The following CALN1 variants were observed in gnomAD, a reference collection of about 807,000 sequenced individuals.
The protein encoded by CALN1 is calcium-binding protein 8.
A neutral mutation model predicts 30.6 loss-of-function variants in CALN1; 17 were observed. The ratio of observed to expected loss-of-function variants is 0.56; its 90% CI spans 0.38 to 0.83. The LOEUF (loss-of-function observed/expected upper bound fraction) is 0.83, where lower values mean the gene tolerates loss of function less well. Among genes scored for constraint, CALN1 ranks in the 40% least tolerant of loss-of-function variants. CALN1 has a pLI of 0.00. For synonymous variants in CALN1, 156 were observed against 131.4 expected, an observed-to-expected ratio of 1.19 and a Z score of -1.28; for missense variants, 291 against 354.9, an observed-to-expected ratio of 0.82 and a Z score of 1.45.
At chr7:71,869,379 T>A (rs1791787632) in intron 5 of CALN1, among the ~76,000 whole-genome samples, 1 of 152,030 alleles carries the variant, frequency 6.6e-6, no homozygotes, top group African/African-American at 2.4e-5. Context: ...CCTGGCTAAT[T>A]TTTTGTGTTT....
At chr7:72,274,564 ATTC>A (rs1193466999) in intron 3 of CALN1, among the ~76,000 whole-genome samples, 1 of 152,094 alleles carries the variant, frequency 6.6e-6, no homozygotes, top group African/African-American at 2.4e-5. Flanking sequence ...TAAGAAAACT[ATTC>A]TTCAACAATC....
intron 5 of CALN1, among the ~76,000 whole-genome samples, chr7:71,956,551 T>A (rs948065796): frequency 1.3e-5 from 2 of 151,238 alleles, no homozygotes; most frequent in African/African-American, 4.9e-5. Flanking sequence ...GATCTCAAAC[T>A]CCTGGCCCCA....
intron 2 of CALN1, among the ~76,000 whole-genome samples, chr7:72,365,308 G>A (rs193206986): frequency 2.5e-4 from 38 of 152,174 alleles, no homozygotes; most frequent in African/African-American, 8.9e-4. Context: ...ACTCCAGCCT[G>A]GGTGACAGAG....
At chr7:72,161,526 C>T (rs1445535856) in intron 3 of CALN1, among the ~76,000 whole-genome samples, 3 of 152,316 alleles carry the variant, frequency 2.0e-5, no homozygotes, top group East Asian at 1.9e-4. Flanking sequence ...TGTTTACTTA[C>T]AGCTAAATAT....
intron 5 of CALN1, among the ~76,000 whole-genome samples, chr7:72,011,993 T>C (rs752947641): frequency 3.3e-4 from 50 of 152,170 alleles, no homozygotes; most frequent in Non-Finnish European, 6.2e-4. Flanking sequence ...GTTCACATCA[T>C]ACCCTATGGG....
At chr7:71,815,113 G>A (rs190131514) in intron 5 of CALN1, among the ~76,000 whole-genome samples, 23 of 152,228 alleles carry the variant, frequency 1.5e-4, no homozygotes, top group Admixed American at 3.9e-4. Context: ...GATTACAGGC[G>A]TGAGTCAACA....
At chr7:71,809,402 T>C (rs537352889) in intron 6 of CALN1, among the ~76,000 whole-genome samples, 1 of 147,748 alleles carries the variant, frequency 6.8e-6, no homozygotes, top group East Asian at 2.1e-4. Flanking sequence ...GGCAACCAAA[T>C]ATATCCTTCT....
chr7:72,492,882 G>A, the CALN1 span, among the ~76,000 whole-genome samples: 4 of 152,258 alleles, frequency 2.6e-5, no homozygotes, highest in East Asian at 3.9e-4. Flanking sequence ...TCAGAAAATC[G>A]TCATCTCCAT....
intron 5 of CALN1, among the ~76,000 whole-genome samples, chr7:71,978,262 C>CTTT (rs1010635078): frequency 7.4e-4 from 54 of 72,932 alleles, no homozygotes; most frequent in African/African-American, 1.0e-3. Context: ...CTAGAGAATT[C>CTTT]TTTTTTTTTT....
intron 3 of CALN1, among the ~76,000 whole-genome samples, chr7:72,116,875 G>A (rs1284542878): frequency 2.0e-5 from 3 of 152,306 alleles, no homozygotes; most frequent in East Asian, 1.9e-4. Context: ...GAAAGTGCCC[G>A]AGGTAGTCAA....
At chr7:72,295,777 G>A (rs2129555261) in intron 2 of CALN1, among the ~76,000 whole-genome samples, 1 of 151,638 alleles carries the variant, frequency 6.6e-6, no homozygotes, top group South Asian at 2.1e-4. Flanking sequence ...AGACAATGGG[G>A]TTTTCTAGAT....
chr7:72,020,814 G>A (rs1392487646), intron 5 of CALN1, among the ~76,000 whole-genome samples: 5 of 152,150 alleles, frequency 3.3e-5, no homozygotes, highest in Admixed American at 6.5e-5. Flanking sequence ...CAGTGTACAC[G>A]CTCTACTGTG....
chr7:72,314,837 TTA>T, intron 2 of CALN1, among the ~76,000 whole-genome samples: 1 of 105,788 alleles, frequency 9.5e-6, no homozygotes, highest in Non-Finnish European at 1.9e-5. Flanking sequence ...AAACATTTTG[TTA>T]AAAAAAAAAA....
intron 3 of CALN1, among the ~76,000 whole-genome samples, chr7:72,205,260 T>C (rs929125363): frequency 6.6e-6 from 1 of 151,914 alleles, no homozygotes; most frequent in Admixed American, 6.6e-5. Context: ...TGGAGTGCAG[T>C]AGTGTGATCT....
chr7:72,010,997 A>G (rs1398340251), intron 5 of CALN1, among the ~76,000 whole-genome samples: 1 of 151,528 alleles, frequency 6.6e-6, no homozygotes, highest in Non-Finnish European at 1.5e-5. Flanking sequence ...TTCTAAAAAT[A>G]CAAAAATTAG....
At chr7:71,967,611 G>A (rs1797589846) in intron 5 of CALN1, among the ~76,000 whole-genome samples, 1 of 137,868 alleles carries the variant, frequency 7.3e-6, no homozygotes, top group South Asian at 2.3e-4. Context: ...GGGCGACAGA[G>A]TGAGACCCTG....
intron 2 of CALN1, among the ~76,000 whole-genome samples, chr7:72,391,704 GTT>G (rs553279236): frequency 6.6e-6 from 1 of 152,026 alleles, no homozygotes; most frequent in Non-Finnish European, 1.5e-5. Flanking sequence ...CCCTGCACAA[GTT>G]TTTTTGTTTT....
intron 6 of CALN1, among the ~76,000 whole-genome samples, chr7:71,807,411 A>G (rs12699092): frequency 0.36 from 53,980 of 151,958 alleles, 10,283 homozygotes; most frequent in East Asian, 0.6. Context: ...AGCATTAAAT[A>G]TATTCACCCA....
chr7:72,401,379 G>C (rs1266611800), intron 2 of CALN1, among the ~76,000 whole-genome samples: 1 of 151,976 alleles, frequency 6.6e-6, no homozygotes, highest in Non-Finnish European at 1.5e-5. Context: ...CCGATCCCCT[G>C]CTTTTTGGCT....
Sources: gnomAD v4.1 joint callset for allele counts (sites outside exome capture counted in the v4.1 genomes callset) on GRCh38, gnomAD v4.1.1 for gene constraint, MANE v1.5 for transcripts, NCBI Gene and HGNC (gene_info 2026-07-23, HGNC 2026-07-21) for gene names.